The following PPP2R5C variants were observed in gnomAD, a reference collection of about 807,000 sequenced individuals.
The protein encoded by PPP2R5C is protein phosphatase 2 regulatory subunit B'gamma, also known as serine/threonine-protein phosphatase 2A 56 kDa regulatory subunit gamma isoform.
PPP2R5C carries 7 observed loss-of-function variants against 68.9 expected under a neutral mutation model. The ratio of observed to expected loss-of-function variants is 0.10; its 90% confidence interval spans 0.06 to 0.19. The LOEUF (loss-of-function observed/expected upper bound fraction) is 0.19. Among genes scored for constraint, PPP2R5C ranks in the 10% least tolerant of loss-of-function variants. The pLI is 1.00. For missense variants in PPP2R5C, 348 were observed against 641.3 expected, an observed-to-expected ratio of 0.54 and a Z score of 4.94; for synonymous variants, 210 against 222.2, an observed-to-expected ratio of 0.95 and a Z score of 0.49.
At position 101,873,909 on chromosome 14, in the gene PPP2R5C, T is replaced by C. The variant is rs191488864; in HGVS notation, c.295-8252T>C. Among the ~76,000 whole-genome samples the C allele has an allele frequency of 3.9e-5, 6 of 152,306 alleles. No individual in the cohort carries two copies. In the East Asian group the frequency reaches 1.2e-3, roughly 29 times the overall value. ...TGTCCTTATCCTTCGTTGTCTGAAA[T>C]CCAGTGTCTTGAAAACCGTAATTTT... On this transcript the variant is annotated intron_variant, in intron 2 of 13. Transcript: ENST00000334743.
chr14:101,764,381 A>T (rs945351709), intron 2 of PPP2R5C, among the ~76,000 whole-genome samples: 4 of 152,204 alleles, frequency 2.6e-5, no homozygotes, highest in African/African-American at 9.7e-5. Flanking sequence ...CTTATCACAA[A>T]TGACGTTTAT....
chr14:101,761,038 G>A (rs2036490059), upstream of PPP2R5C, among the ~76,000 whole-genome samples: 1 of 131,086 alleles, frequency 7.6e-6, no homozygotes, highest in Non-Finnish European at 1.7e-5. Flanking sequence ...GTGGTCGAGG[G>A]GAGGGGACGG....
chr14:101,769,828 TAC>T (rs2037056248), intron 2 of PPP2R5C, among the ~76,000 whole-genome samples: 2 of 152,226 alleles, frequency 1.3e-5, no homozygotes, highest in Non-Finnish European at 2.9e-5. Flanking sequence ...TCCATTTAAA[TAC>T]AGTTATGCAT....
intron 1 of PPP2R5C, chr14:101,843,911 C>T (rs1019477814): frequency 6.0e-6 from 1 of 165,786 alleles, no homozygotes; most frequent in Admixed American, 6.4e-5. Flanking sequence ...CCACACTTCA[C>T]CCACAACGCC....
intron 2 of PPP2R5C, among the ~76,000 whole-genome samples, chr14:101,878,169 C>A (rs1307154987): frequency 6.6e-6 from 1 of 152,214 alleles, no homozygotes; most frequent in Non-Finnish European, 1.5e-5. Flanking sequence ...GACACTAATC[C>A]TGGAGGGCCA....
At chr14:101,922,240 G>A in intron 13 of PPP2R5C, 2 of 964,944 alleles carry the variant, frequency 2.1e-6, no homozygotes, top group East Asian at 2.3e-4. Context: ...TGTAATCCCA[G>A]CACTTTGGGA....
rs143609008 is a variant in PPP2R5C at position 101,841,511 on chromosome 14, C to T, written c.95-15175C>T. Among the ~76,000 whole-genome samples, 638 of 152,290 alleles carry T rather than the reference C, an allele frequency of 4.2e-3. 10 individuals carry two copies. Among genetic ancestry groups the T allele is most frequent in the African/African-American group, 0.015 (607 of 41,566 alleles). The stretch of plus-strand genomic sequence containing the variant: ...GCTTCCACATTGAAAGACACGGGGC[C>T]GGCTCGTTCCGTGTCCAGACAGACA... On this transcript the variant is annotated intron_variant, in intron 1 of 13. Coordinates refer to ENST00000334743, the Ensembl canonical transcript of PPP2R5C.
At chr14:101,873,581 A>G (rs1384024482) in intron 2 of PPP2R5C, among the ~76,000 whole-genome samples, 1 of 152,174 alleles carries the variant, frequency 6.6e-6, no homozygotes, top group East Asian at 1.9e-4. Flanking sequence ...GCCCCGAACA[A>G]GTACTGGGTT....
At chr14:101,926,530 TTCTC>T (rs1262910012) in exon 14 of PPP2R5C, 1 of 152,654 alleles carries the variant, frequency 6.6e-6, no homozygotes, top group Non-Finnish European at 1.5e-5. Context: ...TATTCTTTAT[TTCTC>T]TCAGGGTGGC....
rs553734341 is a variant in PPP2R5C at position 101,798,055 on chromosome 14, A to G, written c.259+11872A>G. 1.1e-4 allele frequency among the ~76,000 whole-genome samples: 16 copies of G among 152,268 alleles called. No individual in the cohort carries two copies. In the East Asian group the frequency reaches 2.9e-3, roughly 28 times the overall value. On this transcript the variant is annotated intron_variant, in intron 3 of 14. Transcript: ENST00000328724. Reference sequence around the variant, plus strand: ...TTAGGTATCTTTGATCTGTCTAAGGAAAAAGTCTATTTTAAACTGTGAAGT... The same window carrying G: ...TTAGGTATCTTTGATCTGTCTAAGGGAAAAGTCTATTTTAAACTGTGAAGT...
intron 2 of PPP2R5C, among the ~76,000 whole-genome samples, chr14:101,880,028 C>T (rs957218465): frequency 5.9e-5 from 9 of 152,168 alleles, no homozygotes; most frequent in African/African-American, 2.2e-4. Context: ...CTGTCTGCGC[C>T]GAGTGCCTGT....
intron 1 of PPP2R5C, among the ~76,000 whole-genome samples, chr14:101,842,015 T>C (rs929150362): frequency 3.3e-5 from 5 of 152,142 alleles, no homozygotes; most frequent in East Asian, 1.9e-4. Context: ...GCCCTCGTTA[T>C]ACCTGCAGGT....
intron 2 of PPP2R5C, among the ~76,000 whole-genome samples, chr14:101,777,122 G>A (rs908616662): frequency 4.6e-5 from 7 of 151,708 alleles, no homozygotes; most frequent in African/African-American, 7.3e-5. Context: ...CTCGTGATCC[G>A]CCCGCCTCGG....
chr14:101,787,208 C>A (rs1285809187), intron 3 of PPP2R5C, among the ~76,000 whole-genome samples: 2 of 152,218 alleles, frequency 1.3e-5, no homozygotes, highest in Non-Finnish European at 2.9e-5. Flanking sequence ...CATGATCGTG[C>A]CACTGCACTT....
upstream of PPP2R5C, among the ~76,000 whole-genome samples, chr14:101,805,827 C>G (rs757727640): frequency 2.6e-5 from 4 of 152,172 alleles, no homozygotes; most frequent in Non-Finnish European, 2.9e-5. Flanking sequence ...TGTAAGATCT[C>G]CTTATGTGAA....
intron 3 of PPP2R5C, among the ~76,000 whole-genome samples, chr14:101,798,398 G>C (rs1164343507): frequency 6.6e-6 from 1 of 152,188 alleles, no homozygotes; most frequent in African/African-American, 2.4e-5. Context: ...AATAAAATCA[G>C]TAGGATGTAT....
chr14:101,875,611 T>C (rs1377934298), intron 2 of PPP2R5C, among the ~76,000 whole-genome samples: 1 of 152,214 alleles, frequency 6.6e-6, no homozygotes, highest in Non-Finnish European at 1.5e-5. Flanking sequence ...TGTGCATTTA[T>C]GTTCTCTAGA....
At chr14:101,822,063 A>T (rs112931491) in intron 1 of PPP2R5C, among the ~76,000 whole-genome samples, 1 of 76,188 alleles carries the variant, frequency 1.3e-5, no homozygotes, top group African/African-American at 5.2e-5. Flanking sequence ...TAGTGACCCC[A>T]CCACCACCAC....
At chr14:101,883,232 G>T (rs1027185380) in intron 3 of PPP2R5C, 25 bp from the exon 6 acceptor site, 14 of 1,432,250 alleles carry the variant, frequency 9.8e-6, no homozygotes, top group South Asian at 2.5e-5. Context: ...CATGTTATTT[G>T]ACTCATTGTT....
Sources: gnomAD v4.1 joint callset for allele counts (sites outside exome capture counted in the v4.1 genomes callset) on GRCh38, gnomAD v4.1.1 for gene constraint, MANE v1.5 for transcripts, NCBI Gene and HGNC (gene_info 2026-07-23, HGNC 2026-07-21) for gene names.